The following SCMH1 variants were observed in gnomAD, a reference collection of about 807,000 sequenced individuals.
The protein encoded by SCMH1 is polycomb protein SCMH1.
A neutral mutation model predicts 70.8 loss-of-function variants in SCMH1; 37 were observed. That is an observed-to-expected ratio of 0.52 (90% CI 0.40 to 0.69). The LOEUF (loss-of-function observed/expected upper bound fraction) is 0.69, where lower values mean the gene tolerates loss of function less well. Among genes scored for constraint, SCMH1 ranks in the 30% least tolerant of loss-of-function variants. The probability of loss-of-function intolerance (pLI) is 0.00; values close to 1 mark genes in which losing one functional copy is unlikely to be tolerated. For synonymous variants in SCMH1, 292 were observed against 307.4 expected (o/e 0.95, Z 0.52); for missense variants, 607 against 827.3 (o/e 0.73, Z 3.27).
At chr1:41,102,155 T>A (rs1283214148) in intron 8 of SCMH1, among the ~76,000 whole-genome samples, 1 of 151,728 alleles carries the variant, frequency 6.6e-6, no homozygotes, top group East Asian at 1.9e-4. Context: ...TAAAATAGGC[T>A]ATTGTGCATG....
intron 1 of SCMH1, among the ~76,000 whole-genome samples, chr1:41,189,758 T>C (rs539848140): frequency 6.6e-6 from 1 of 152,336 alleles, no homozygotes; most frequent in South Asian, 2.1e-4. Context: ...CACCAGTATT[T>C]CCTTTAACAA....
chr1:41,074,870 CCTTTT>C (rs1377857220), intron 9 of SCMH1, among the ~76,000 whole-genome samples: 5 of 152,142 alleles, frequency 3.3e-5, no homozygotes, highest in Admixed American at 2.0e-4. Flanking sequence ...CCCAACCCTG[CCTTTT>C]CTTTTGAGAC....
chr1:41,229,246 T>C (rs1381116705), intron 1 of SCMH1, among the ~76,000 whole-genome samples: 1 of 152,006 alleles, frequency 6.6e-6, no homozygotes, highest in Non-Finnish European at 1.5e-5. Context: ...TTTTAATGAA[T>C]GCATTATATG....
chr1:41,234,847 T>C (rs1308984659), intron 1 of SCMH1, among the ~76,000 whole-genome samples: 2 of 152,196 alleles, frequency 1.3e-5, no homozygotes, highest in African/African-American at 4.8e-5. Flanking sequence ...CTCTGGAACC[T>C]TTCCAAATGT....
intron 14 of SCMH1, 104 bp downstream of exon 15, chr1:41,028,480 C>G: frequency 6.5e-7 from 1 of 1,533,484 alleles, no homozygotes; most frequent in Non-Finnish European, 8.9e-7. Context: ...TTCTCCTCAG[C>G]CTTTGTCTCT....
At chr1:41,231,854 CTA>C (rs1661366155) in intron 1 of SCMH1, among the ~76,000 whole-genome samples, 1 of 151,882 alleles carries the variant, frequency 6.6e-6, no homozygotes, top group Non-Finnish European at 1.5e-5. Context: ...AACTCGGTCT[CTA>C]TTAAAAATAC....
In SCMH1 at chr1:41,195,446, T is replaced by G. The variant is rs993284755; in HGVS notation, c.-117-9196A>C. Among the ~76,000 whole-genome samples the G allele has an allele frequency of 6.0e-5, 9 of 151,030 alleles. No individual in the cohort carries two copies. In the South Asian group the frequency reaches 1.9e-3, roughly 32 times the overall value. ...ATCAATTAACATAATATACCATAAATAGAATGAAGTAAAAAAAAAAGGCAC... is the reference window on the plus strand; with the variant it reads ...ATCAATTAACATAATATACCATAAAGAGAATGAAGTAAAAAAAAAAGGCAC... On this transcript the variant is annotated intron_variant, in intron 1 of 14. Coordinates refer to ENST00000337495, the Ensembl canonical transcript of SCMH1.
chr1:41,078,033 A>G (rs1402779955), intron 8 of SCMH1, among the ~76,000 whole-genome samples: 1 of 152,196 alleles, frequency 6.6e-6, no homozygotes, highest in Non-Finnish European at 1.5e-5. Flanking sequence ...AATATAAGAA[A>G]AGGTAGATAG....
At chr1:41,114,555 T>C (rs1669976992) in intron 7 of SCMH1, among the ~76,000 whole-genome samples, 2 of 152,208 alleles carry the variant, frequency 1.3e-5, no homozygotes, top group South Asian at 4.1e-4. Flanking sequence ...TGACTGGAAT[T>C]ACAACGAATT....
At chr1:41,056,506 A>T (rs1169531563) in intron 10 of SCMH1, among the ~76,000 whole-genome samples, 3 of 152,200 alleles carry the variant, frequency 2.0e-5, no homozygotes, top group Admixed American at 1.3e-4. Context: ...TTATTAAAAA[A>T]ATTCAGAGAA....
chr1:41,161,051 G>A (rs188289145), intron 3 of SCMH1, among the ~76,000 whole-genome samples, 153 bp from the exon 4 acceptor site: 12 of 152,252 alleles, frequency 7.9e-5, no homozygotes, highest in Non-Finnish European at 1.6e-4. Flanking sequence ...TAGTCATTGT[G>A]GAAGCACACC....
At chr1:41,168,422 A>C (rs1412341105) in intron 2 of SCMH1, among the ~76,000 whole-genome samples, 2 of 151,970 alleles carry the variant, frequency 1.3e-5, no homozygotes, top group Non-Finnish European at 2.9e-5. Flanking sequence ...CTGCTGTTGA[A>C]TACCTCCATT....
At chr1:41,095,001 C>A (rs1018602798) in intron 8 of SCMH1, among the ~76,000 whole-genome samples, 11 of 152,234 alleles carry the variant, frequency 7.2e-5, no homozygotes, top group African/African-American at 2.4e-4. Context: ...CAACCCATCA[C>A]CCCCAAACCC....
At chr1:41,145,178 T>C (rs1295292095) in intron 5 of SCMH1, among the ~76,000 whole-genome samples, 2 of 152,186 alleles carry the variant, frequency 1.3e-5, no homozygotes, top group Non-Finnish European at 2.9e-5. Flanking sequence ...TCCTTCTATG[T>C]TTTCTTTAAA....
At chr1:41,195,991 G>A (rs1254242229) in intron 1 of SCMH1, among the ~76,000 whole-genome samples, 1 of 151,920 alleles carries the variant, frequency 6.6e-6, no homozygotes, top group East Asian at 1.9e-4. Context: ...AAATATTTAG[G>A]AATAAATTTA....
intron 1 of SCMH1, among the ~76,000 whole-genome samples, chr1:41,240,729 A>AC (rs1174715333): frequency 6.6e-6 from 1 of 151,332 alleles, no homozygotes; most frequent in African/African-American, 2.4e-5. Flanking sequence ...GTTTGAACAA[A>AC]CACTACTAAA....
chr1:41,186,020 A>T, intron 2 of SCMH1, 101 bp downstream of exon 2: 2 of 1,313,170 alleles, frequency 1.5e-6, no homozygotes, highest in East Asian at 5.2e-5. Context: ...AAAGAAAAGG[A>T]TAACGAGTAG....
chr1:41,045,672 G>GCTTTTTTAAGCC (rs1553201862), intron 12 of SCMH1: 2 of 152,368 alleles, frequency 1.3e-5, no homozygotes, highest in African/African-American at 2.4e-5. Flanking sequence ...AATCTGCAGG[G>GCTTTTTTAAGCC]CTTTTTTAAG....
intron 1 of SCMH1, among the ~76,000 whole-genome samples, chr1:41,191,140 T>G (rs12136364): frequency 0.25 from 37,782 of 152,186 alleles, 5,286 homozygotes; most frequent in Non-Finnish European, 0.31. Flanking sequence ...CTCCCAAAGT[T>G]CTGGGATTAC....
Sources: allele counts gnomAD v4.1 joint callset (sites outside exome capture counted in the v4.1 genomes callset), GRCh38; gene constraint gnomAD v4.1.1; transcripts MANE v1.5; gene names NCBI Gene and HGNC (gene_info 2026-07-23, HGNC 2026-07-21).